OSBPL5: variants seen among roughly 807,000 people sequenced by gnomAD.
OSBPL5 encodes oxysterol binding protein like 5, also known as oxysterol-binding protein-related protein 5.
In OSBPL5, 71 loss-of-function variants were observed where a neutral mutation model predicts 111.2. The ratio of observed to expected loss-of-function variants is 0.64; its 90% CI spans 0.53 to 0.78. OSBPL5 has a LOEUF of 0.78. OSBPL5 is among the 30% of genes least tolerant of loss of function. The pLI is 0.00. For synonymous variants in OSBPL5, 549 were observed against 513.9 expected (o/e 1.07, Z -0.93); for missense variants, 1,210 against 1,189.3 (o/e 1.02, Z -0.26).
intron 1 of OSBPL5, among the ~76,000 whole-genome samples, chr11:3,143,395 C>T (rs935483076): frequency 1.7e-4 from 26 of 152,198 alleles, no homozygotes; most frequent in Non-Finnish European, 3.2e-4. Flanking sequence ...CCAGGTGGTC[C>T]GCGCACGCAC....
chr11:3,160,552 A>G (rs1846928468), intron 1 of OSBPL5, among the ~76,000 whole-genome samples: 1 of 152,174 alleles, frequency 6.6e-6, no homozygotes, highest in Non-Finnish European at 1.5e-5. Flanking sequence ...TCGCCGCAAT[A>G]GCTGATCAGG....
chr11:3,092,833 AC>A lies in OSBPL5; in HGVS notation c.2132+33del. ...CAGCCCGTCTGCTAGGCCCAGCCCC[AC>A]CCTGTGGCCCCCAGGGCTTTGTCGG... On this transcript the variant is annotated intron_variant, in intron 18 of 21. Transcript: ENST00000263650. The surrounding 1 kb of genome is among the most constrained non-coding windows in gnomAD (Gnocchi z 5.4). 1 of 1,499,462 alleles carries A rather than the reference AC, an allele frequency of 6.7e-7. No individual in the cohort carries two copies. The allele number at this position is 1,499,462 out of a possible 1,614,324, so 92.9% of individuals were successfully genotyped here. A position where few individuals can be genotyped will look rare whatever the true frequency, so the allele number is the denominator to read the frequency against.
In OSBPL5 at chr11:3,107,869, G is replaced by T; in HGVS notation, c.768C>A (p.Gly256=). 1 of 1,608,340 alleles carries T rather than the reference G, an allele frequency of 6.2e-7. No individual in the cohort carries two copies. The stretch of plus-strand genomic sequence containing the variant: ...GCGAGGTCCCTGGCTCCCCGTCTCG[G>T]CCCGGCTTGCAGGTGCCCAGTCTCA... ...SLLRLGTCKP[G]RDGEPGTSPD... is the part of the protein sequence containing the mutation. Residue 256 remains glycine, a synonymous_variant, in exon 8 of 22, where the codon GGC becomes GGA. Transcript: ENST00000263650. The surrounding 1 kb of genome is among the most constrained non-coding windows in gnomAD (Gnocchi z 6.1).
intron 20 of OSBPL5, 111 bp downstream of exon 20, chr11:3,090,447 G>A: frequency 7.0e-7 from 1 of 1,428,112 alleles, no homozygotes; most frequent in East Asian, 2.3e-5. Flanking sequence ...CTTTTGCTGG[G>A]AGGTTGCCCT....
intron 6 of OSBPL5, 133 bp from the exon 7 acceptor site, chr11:3,119,764 G>A (rs1459876058): frequency 1.3e-6 from 1 of 779,564 alleles, no homozygotes; most frequent in East Asian, 3.3e-5. Flanking sequence ...CCACCAGGTG[G>A]GGCCAGGCAC....
At position 3,121,955 on chromosome 11, in the gene OSBPL5, C is replaced by G; in HGVS notation, c.402+42G>C. On this transcript the variant is annotated intron_variant, in intron 5 of 21. Coordinates refer to ENST00000263650, the MANE Select transcript of OSBPL5 (RefSeq NM_020896.4). This position sits in a 1 kb window ranked among gnomAD's most constrained non-coding sequence, Gnocchi z 4.3. ...GGTCCTTTGTTATGGCAGCAGCACG[C>G]TGACCCGTGTCCTGGGTGGCCGGAG... The G allele has an allele frequency of 6.6e-7, 1 of 1,507,732 alleles. No individual in the cohort carries two copies. Among genetic ancestry groups the G allele is most frequent in the Admixed American group, 2.0e-5 (1 of 51,078 alleles). 93.4% of individuals were successfully genotyped at this position (1,507,732 alleles called of 1,614,324 possible).
At chr11:3,093,363 G>T in intron 17 of OSBPL5, 164 bp downstream of exon 17, 1 of 1,151,110 alleles carries the variant, frequency 8.7e-7, no homozygotes, top group Non-Finnish European at 1.2e-6. Flanking sequence ...CCCTCCATCT[G>T]TCCTTTCCAG....
Position 3,109,106 on chromosome 11 carries a change from G to A in OSBPL5, c.692-1161C>T, listed in dbSNP as rs919506080. Among the ~76,000 whole-genome samples, 19 of 151,372 alleles carry A rather than the reference G, an allele frequency of 1.3e-4. No individual in the cohort carries two copies. The highest frequency in any genetic ancestry group is 5.3e-4 in the Admixed American group (8 of 15,188). ...TTTGTTTTTGTTTTTTTGTTGTTTT[G>A]AGATGGAGTCTCGCTCTGTCACCCA... On this transcript the variant is annotated intron_variant, in intron 7 of 21. Coordinates refer to ENST00000263650, the MANE Select transcript of OSBPL5 (RefSeq NM_020896.4). The surrounding 1 kb of genome is among the most constrained non-coding windows in gnomAD (Gnocchi z 7.4).
intron 5 of OSBPL5, 52 bp from the exon 6 acceptor site, chr11:3,120,676 G>T: frequency 6.3e-7 from 1 of 1,590,880 alleles, no homozygotes; most frequent in Non-Finnish European, 8.5e-7. Flanking sequence ...CGCCATCCCT[G>T]GGGCATCTTG....
At chr11:3,089,375 C>T (rs1208473214) in intron 21 of OSBPL5, among the ~76,000 whole-genome samples, 2 of 152,238 alleles carry the variant, frequency 1.3e-5, no homozygotes, top group Non-Finnish European at 2.9e-5. Context: ...GTGGGATCTG[C>T]TGACAGGAAG....
In OSBPL5 at chr11:3,106,097, A is replaced by G. The variant is rs923579465; in HGVS notation, c.1059+1166T>C. Among the ~76,000 whole-genome samples the G allele has an allele frequency of 6.6e-6, 1 of 151,612 alleles. No homozygotes were observed. Among genetic ancestry groups the G allele is most frequent in the Admixed American group, 6.6e-5 (1 of 15,216 alleles). ...CCCTCGGTCCACTCCCCATAGGCCC[A>G]TCCTAACCTTCCCATCCCCGCACAG... On this transcript the variant is annotated intron_variant, in intron 9 of 21. Coordinates refer to ENST00000263650, the MANE Select transcript of OSBPL5 (RefSeq NM_020896.4). The surrounding 1 kb of genome is among the most constrained non-coding windows in gnomAD (Gnocchi z 8.4).
At chr11:3,091,717 G>A (rs1162072159) in intron 19 of OSBPL5, among the ~76,000 whole-genome samples, 1 of 152,146 alleles carries the variant, frequency 6.6e-6, no homozygotes, top group Non-Finnish European at 1.5e-5. Flanking sequence ...GCAGAGCATG[G>A]GACATGCAGC....
chr11:3,134,712 G>A (rs1284458424), intron 1 of OSBPL5, among the ~76,000 whole-genome samples: 1 of 152,264 alleles, frequency 6.6e-6, no homozygotes, highest in African/African-American at 2.4e-5. Flanking sequence ...AGCCTCCTCT[G>A]CCATGTGGCG....
chr11:3,121,008 AG>A lies in OSBPL5; in HGVS notation c.403-385del, dbSNP rs1436835995. On this transcript the variant is annotated intron_variant, in intron 5 of 21. Coordinates refer to ENST00000263650, the MANE Select transcript of OSBPL5 (RefSeq NM_020896.4). This position sits in a 1 kb window ranked among gnomAD's most constrained non-coding sequence, Gnocchi z 4.3. ...GGTCAAGTTCAAGGTCAAGGGCCTC[AG>A]GGAGGAACCAGCAATGAGTGGTGTG... Among the ~76,000 whole-genome samples the A allele has an allele frequency of 6.6e-5, 10 of 151,414 alleles. No homozygotes were observed. The highest frequency in any genetic ancestry group is 6.6e-4 in the Admixed American group (10 of 15,214).
chr11:3,096,105 C>T (rs951109089), intron 14 of OSBPL5, among the ~76,000 whole-genome samples: 2 of 152,054 alleles, frequency 1.3e-5, no homozygotes, highest in Non-Finnish European at 2.9e-5. Flanking sequence ...AAGGGAAAAA[C>T]AGGAGGGAGG....
chr11:3,094,153 G>T, intron 15 of OSBPL5, 84 bp downstream of exon 15: 1 of 1,341,646 alleles, frequency 7.5e-7, no homozygotes, highest in Non-Finnish European at 1.0e-6. Flanking sequence ...AACCTTCCTT[G>T]GGGCCTGGGG....
At chr11:3,122,950 C>T (rs1210644796) in intron 3 of OSBPL5, among the ~76,000 whole-genome samples, 3 of 152,248 alleles carry the variant, frequency 2.0e-5, no homozygotes, top group African/African-American at 4.8e-5. Flanking sequence ...AGAACAGCTT[C>T]CCTGCCTTGT....
rs752302699 is a variant in OSBPL5, at chr11:3,093,631, G to T, written c.1842C>A (p.Ser614Arg). 2.4e-5 allele frequency: 38 copies of T among 1,613,080 alleles called. No individual in the cohort carries two copies. Among genetic ancestry groups the T allele is most frequent in the Middle Eastern group, 3.3e-4 (2 of 6,062 alleles). ...DRDVFIKEEG[S>R]GSSALFWTPS... The stretch of plus-strand genomic sequence containing the variant: ...GGGTCCAGAAAAGCGCACTGCTTCC[G>T]CTCCCTTCCTCCTTGATAAACACGT... The change falls in exon 17 of 22, where the codon AGC becomes AGA. Residue 614 changes from serine (S) to arginine (R), a missense_variant. Transcript: ENST00000263650.
chr11:3,154,379 C>T lies in OSBPL5; in HGVS notation c.-22+10837G>A, dbSNP rs895953354. Among the ~76,000 whole-genome samples the T allele has an allele frequency of 7.2e-5, 11 of 152,340 alleles. No individual in the cohort carries two copies. Among genetic ancestry groups the T allele is most frequent in the Admixed American group, 3.9e-4 (6 of 15,300 alleles). Reference sequence around the variant, plus strand: ...TTTGCCGGTGGGACAGAGTGGCTGACGGCGTGTGGCACAGGCGGGGTGAGC... The same window carrying T: ...TTTGCCGGTGGGACAGAGTGGCTGATGGCGTGTGGCACAGGCGGGGTGAGC... On this transcript the variant is annotated intron_variant, in intron 1 of 21. Coordinates refer to ENST00000263650, the MANE Select transcript of OSBPL5 (RefSeq NM_020896.4). The surrounding 1 kb of genome is among the most constrained non-coding windows in gnomAD (Gnocchi z 4.9).
Sources: gnomAD v4.1 joint callset for allele counts (sites outside exome capture counted in the v4.1 genomes callset) on GRCh38, gnomAD v4.1.1 for gene constraint, Gnocchi (gnomAD v3.1) non-coding constraint, MANE v1.5 for transcripts, NCBI Gene and HGNC (gene_info 2026-07-23, HGNC 2026-07-21) for gene names.